Variants in PARD6B observed in about 807,000 individuals in gnomAD.
The protein encoded by PARD6B is partitioning defective 6 homolog beta.
PARD6B carries 4 observed loss-of-function variants against 10.5 expected under a neutral mutation model. The ratio of observed to expected loss-of-function variants is 0.38; its 90% CI spans 0.19 to 0.87. The LOEUF is 0.87. Among genes scored for constraint, PARD6B ranks in the 40% least tolerant of loss-of-function variants. The pLI is 0.41. For missense variants in PARD6B, 396 were observed against 470.6 expected (o/e 0.84, Z 1.47); for synonymous variants, 169 against 170.4 (o/e 0.99, Z 0.07).
intron 2 of PARD6B, among the ~76,000 whole-genome samples, chr20:50,743,934 G>A (rs112333254): frequency 6.0e-5 from 9 of 150,996 alleles, no homozygotes; most frequent in African/African-American, 1.9e-4. Flanking sequence ...CTCAGTATGT[G>A]ACACCAGTTA....
At chr20:50,746,392 G>A (rs769055002) in intron 2 of PARD6B, among the ~76,000 whole-genome samples, 10 of 152,190 alleles carry the variant, frequency 6.6e-5, no homozygotes, top group Non-Finnish European at 1.3e-4. Flanking sequence ...AAAGGCTTGG[G>A]ATAAATGCGG....
At chr20:50,736,692 T>A (rs2123699479) in intron 1 of PARD6B, among the ~76,000 whole-genome samples, 1 of 151,288 alleles carries the variant, frequency 6.6e-6, no homozygotes, top group Non-Finnish European at 1.5e-5. Context: ...CCTTAGTGTT[T>A]TGGTTTTTTT....
chr20:50,747,491 T>TTC (rs2087574734), intron 2 of PARD6B, among the ~76,000 whole-genome samples: 2 of 102,256 alleles, frequency 2.0e-5, no homozygotes, highest in African/African-American at 3.5e-5. Context: ...CTTTCTTTCT[T>TTC]TTTTTTTTTT....
At position 50,750,160 on chromosome 20, in the gene PARD6B, G is replaced by A. The variant is rs766476800; in HGVS notation, c.791G>A (p.Ser264Asn). ...NVVRNSRTSGSSGQSTDNSLL... is the reference protein window; with the variant it reads ...NVVRNSRTSGNSGQSTDNSLL... Reference sequence around the variant, plus strand: ...GTGAGGAACAGTCGGACTTCTGGCAGTTCCGGTCAGTCTACTGATAACAGC... The same window carrying A: ...GTGAGGAACAGTCGGACTTCTGGCAATTCCGGTCAGTCTACTGATAACAGC... Residue 264 changes from serine to asparagine, a missense_variant, in exon 3 of 3, where the codon AGT becomes AAT. Coordinates refer to ENST00000371610, the MANE Select transcript of PARD6B (RefSeq NM_032521.3). 10 of 1,614,126 alleles carry A rather than the reference G, an allele frequency of 6.2e-6. No homozygotes were observed. In the African/African-American group the frequency reaches 1.1e-4, roughly 17 times the overall value.
At position 50,749,975 on chromosome 20, in the gene PARD6B, G is replaced by A. The variant is rs1041371524; in HGVS notation, c.606G>A (p.Leu202=). ...IFISRLVPGG[L]AQSTGLLAVN... ...TATCCAGGCTTGTCCCAGGAGGTCT[G>A]GCTCAAAGTACAGGACTATTAGCTG... The change falls in exon 3 of 3, where the codon CTG becomes CTA. Residue 202 remains leucine, a synonymous_variant. Transcript: ENST00000371610. The A allele has an allele frequency of 6.8e-6, 11 of 1,614,084 alleles. No homozygotes were observed. The highest frequency in any genetic ancestry group is 7.6e-6 in the Non-Finnish European group (9 of 1,180,058).
At chr20:50,746,981 A>C (rs1402873595) in intron 2 of PARD6B, among the ~76,000 whole-genome samples, 1 of 152,232 alleles carries the variant, frequency 6.6e-6, no homozygotes, top group Non-Finnish European at 1.5e-5. Flanking sequence ...CCATATTATA[A>C]ATACATTTCT....
At chr20:50,740,313 C>G (rs916300397) in intron 2 of PARD6B, among the ~76,000 whole-genome samples, 2 of 152,140 alleles carry the variant, frequency 1.3e-5, no homozygotes, top group African/African-American at 4.8e-5. Flanking sequence ...TTCTTGTTAG[C>G]AATTGTAATT....
At position 50,731,742 on chromosome 20, in the gene PARD6B, G is replaced by A. The variant is rs1231509486; in HGVS notation, c.-45G>A. The A allele has an allele frequency of 2.1e-6, 3 of 1,428,244 alleles. No individual in the cohort carries two copies. Among genetic ancestry groups the A allele is most frequent in the Non-Finnish European group, 2.7e-6 (3 of 1,096,558 alleles). 88.5% of individuals were successfully genotyped at this position (1,428,244 alleles called of 1,614,324 possible). ...CGCACTCGCTCCCCGCGCTCCTGAG[G>A]GGCCGCCCGGCCGGAGGAGGCCGTC... On this transcript the variant is annotated 5_prime_UTR_variant, in exon 1 of 3. Transcript: ENST00000371610.
intron 1 of PARD6B, 118 bp downstream of exon 1, chr20:50,731,970 C>T (rs994762568): frequency 3.0e-6 from 2 of 656,430 alleles, no homozygotes; most frequent in African/African-American, 2.0e-5. Context: ...GGGGTCTGGA[C>T]GGTGCGGTCG....
At chr20:50,737,710 C>T in intron 1 of PARD6B, 147 bp from the exon 2 acceptor site, 1 of 603,616 alleles carries the variant, frequency 1.7e-6, no homozygotes, top group Non-Finnish European at 2.8e-6. Context: ...TTTAAAATCC[C>T]TGATAGTAAG....
At chr20:50,736,545 G>A (rs988729356) in intron 1 of PARD6B, among the ~76,000 whole-genome samples, 10 of 152,206 alleles carry the variant, frequency 6.6e-5, no homozygotes, top group Admixed American at 1.3e-4. Flanking sequence ...ATTATGTAGC[G>A]TTTCTCAAAC....
At position 50,751,869 on chromosome 20, in the gene PARD6B, T is replaced by A. The variant is rs574011045; in HGVS notation, c.*1381T>A. 1.6e-4 allele frequency: 135 copies of A among 861,800 alleles called. No homozygotes were observed. In the African/African-American group the frequency reaches 2.4e-3, roughly 15 times the overall value. 53.4% of individuals were successfully genotyped at this position (861,800 alleles called of 1,614,324 possible). On this transcript the variant is annotated 3_prime_UTR_variant, in exon 3 of 3. Transcript: ENST00000371610. ...GGTGTGCGCCAACACGTCTGGCTTATTTTTTTGTATTTTTAGTAGAGATGG... is the reference window on the plus strand; with the variant it reads ...GGTGTGCGCCAACACGTCTGGCTTAATTTTTTGTATTTTTAGTAGAGATGG...
chr20:50,743,295 C>T (rs925457016), intron 2 of PARD6B, among the ~76,000 whole-genome samples: 4 of 152,158 alleles, frequency 2.6e-5, no homozygotes, highest in Non-Finnish European at 5.9e-5. Context: ...GCTATAACAC[C>T]GTCTGTTTTT....
Position 50,751,986 on chromosome 20 carries a change from G to T in PARD6B, c.*1498G>T. 1.0e-6 allele frequency: 1 copy of T among 985,338 alleles called. No individual in the cohort carries two copies. The allele number at this position is 985,338 out of a possible 1,614,324, so 61.0% of individuals were successfully genotyped here. A position where few individuals can be genotyped will look rare whatever the true frequency, so the allele number is the denominator to read the frequency against. ...AAAGTGCTGGATTGCAGGCATGAGC[G>T]CCTAGCCAGGAAGCTATCTTTTCTT... On this transcript the variant is annotated 3_prime_UTR_variant, in exon 3 of 3. Coordinates refer to ENST00000371610, the MANE Select transcript of PARD6B (RefSeq NM_032521.3).
chr20:50,753,530 T>C lies in PARD6B; in HGVS notation c.*3042T>C, dbSNP rs1247484904. On this transcript the variant is annotated 3_prime_UTR_variant, in exon 3 of 3. Transcript: ENST00000371610. Reference sequence around the variant, plus strand: ...GCTATCAACAAAATATATGTACTTTTGTGAGCTATGAATTTTCTAATTAAA... The same window carrying C: ...GCTATCAACAAAATATATGTACTTTCGTGAGCTATGAATTTTCTAATTAAA... 1.1e-6 allele frequency: 1 copy of C among 923,970 alleles called. No individual in the cohort carries two copies. Among genetic ancestry groups the C allele is most frequent in the Non-Finnish European group, 1.3e-6 (1 of 773,772 alleles). 57.2% of individuals were successfully genotyped at this position (923,970 alleles called of 1,614,324 possible).
chr20:50,749,126 G>A (rs1461899604), intron 2 of PARD6B, among the ~76,000 whole-genome samples: 1 of 152,198 alleles, frequency 6.6e-6, no homozygotes, highest in Non-Finnish European at 1.5e-5. Context: ...GGTGGATCAT[G>A]AGGTCAGGAA....
chr20:50,740,380 A>G (rs2087524641), intron 2 of PARD6B, among the ~76,000 whole-genome samples: 1 of 152,234 alleles, frequency 6.6e-6, no homozygotes, highest in Admixed American at 6.5e-5. Context: ...GTGGGTTTTT[A>G]AAGTATTGCC....
chr20:50,735,157 A>T (rs2087493207), intron 1 of PARD6B, among the ~76,000 whole-genome samples: 2 of 152,208 alleles, frequency 1.3e-5, no homozygotes, highest in African/African-American at 2.4e-5. Context: ...GTCTCAAAAA[A>T]ATAAAAAAAT....
intron 1 of PARD6B, among the ~76,000 whole-genome samples, chr20:50,736,417 T>C (rs1345815551): frequency 6.6e-6 from 1 of 152,222 alleles, no homozygotes; most frequent in Non-Finnish European, 1.5e-5. Context: ...GTGGAAGAAA[T>C]ATGAGTTCAG....
Sources: gnomAD v4.1 joint callset for allele counts (sites outside exome capture counted in the v4.1 genomes callset) on GRCh38, gnomAD v4.1.1 for gene constraint, MANE v1.5 for transcripts, NCBI Gene and HGNC (gene_info 2026-07-23, HGNC 2026-07-21) for gene names.